Variants in ALMS1 observed in about 807,000 individuals in gnomAD.
ALMS1 encodes ALMS1 centrosome and basal body associated protein.
ALMS1 carries 271 observed loss-of-function variants against 352.2 expected under a neutral mutation model. The observed-to-expected ratio is 0.77, with a 90% CI of 0.70 to 0.85. The LOEUF (loss-of-function observed/expected upper bound fraction) is 0.85, where lower values mean the gene tolerates loss of function less well. ALMS1 is among the 40% of genes least tolerant of loss of function. The pLI is 0.00. For synonymous variants in ALMS1, 1,865 were observed against 1,761.2 expected (o/e 1.06, Z -1.48); for missense variants, 5,445 against 4,870.7 (o/e 1.12, Z -3.51).
chr2:73,586,203 G>A (rs185313833), intron 16 of ALMS1, among the ~76,000 whole-genome samples: 75 of 152,290 alleles, frequency 4.9e-4, no homozygotes, highest in Admixed American at 4.1e-3. Flanking sequence ...TTTGCAAATA[G>A]TTTCTCCCAT....
chr2:73,525,647 AG>A (rs2103973786), intron 11 of ALMS1, among the ~76,000 whole-genome samples: 1 of 151,372 alleles, frequency 6.6e-6, no homozygotes, highest in African/African-American at 2.4e-5. Flanking sequence ...TTTCCTATAG[AG>A]TTGTTTCAGT....
Position 73,490,940 on chromosome 2 carries a change from T to C in ALMS1, c.8981T>C (p.Val2994Ala). 1 of 1,614,148 alleles carries C rather than the reference T, an allele frequency of 6.2e-7. No individual in the cohort carries two copies. Residue 2994 changes from valine (V) to alanine (A), a missense_variant, in exon 10 of 23, where the codon GTA becomes GCA. Physicochemically the swap from Val to Ala is moderately conservative, Grantham distance 64 (BLOSUM62 0). Transcript: ENST00000613296. ...CCCCTTCCTCAAGGTCAGGATTGTG[T>C]AGTGGAAAAGAATAATCAACATAAG... ...HFPLPQGQDC[V>A]VEKNNQHKPK...
At chr2:73,387,027 G>A (rs1235632834) in intron 1 of ALMS1, among the ~76,000 whole-genome samples, 1 of 152,104 alleles carries the variant, frequency 6.6e-6, no homozygotes, top group East Asian at 1.9e-4. Flanking sequence ...AAAATTCCAT[G>A]CGTCTGTTCT....
At chr2:73,553,990 A>T (rs1268279085) in intron 13 of ALMS1, among the ~76,000 whole-genome samples, 1 of 152,222 alleles carries the variant, frequency 6.6e-6, no homozygotes, top group African/African-American at 2.4e-5. Context: ...AAATGGCTAA[A>T]GAAGTTGAAA....
chr2:73,426,575 G>A (rs746662346), intron 6 of ALMS1, 22 bp downstream of exon 6: 1 of 1,609,094 alleles, frequency 6.2e-7, no homozygotes, highest in Non-Finnish European at 8.5e-7. Flanking sequence ...TAAAATGATA[G>A]TTGTAAGAAA....
intron 9 of ALMS1, chr2:73,469,408 T>C (rs999476830): frequency 3.3e-5 from 5 of 151,762 alleles, no homozygotes; most frequent in African/African-American, 1.2e-4. Context: ...AGGAAAAACA[T>C]ACAATGTGGT....
At chr2:73,475,651 C>T (rs1672567038) in intron 9 of ALMS1, among the ~76,000 whole-genome samples, 2 of 151,964 alleles carry the variant, frequency 1.3e-5, no homozygotes, top group Admixed American at 1.3e-4. Context: ...CCAATATTTT[C>T]TCCCATTCTG....
chr2:73,424,924 C>A, intron 5 of ALMS1, 22 bp downstream of exon 5: 1 of 1,556,798 alleles, frequency 6.4e-7, no homozygotes, highest in South Asian at 1.2e-5. Context: ...GATTCTTTTT[C>A]AGATTCATCT....
At chr2:73,484,772 T>A (rs1672789579) in intron 9 of ALMS1, among the ~76,000 whole-genome samples, 1 of 152,146 alleles carries the variant, frequency 6.6e-6, no homozygotes, top group Non-Finnish European at 1.5e-5. Context: ...CTTTGCTCAT[T>A]TCTTTTTATT....
At position 73,448,921 on chromosome 2, in the gene ALMS1, C is replaced by G. The variant is rs749555689; in HGVS notation, c.2394C>G (p.Asp798Glu). The G allele has an allele frequency of 6.8e-6, 11 of 1,614,102 alleles. No individual in the cohort carries two copies. The highest frequency in any genetic ancestry group is 9.3e-6 in the Non-Finnish European group (11 of 1,179,962). ...LKVSAVAGPADQKTGLPTVPS... is the reference protein window; with the variant it reads ...LKVSAVAGPAEQKTGLPTVPS... The stretch of plus-strand genomic sequence containing the variant: ...TTTCAGCTGTTGCTGGACCAGCTGA[C>G]CAGAAGACTGGCCTACCAACAGTAC... Residue 798 changes from aspartate (D) to glutamate (E), a missense_variant, in exon 8 of 23, where the codon GAC becomes GAG. Asp to Glu is a conservative substitution (Grantham distance 45, BLOSUM62 2). Transcript: ENST00000613296.
chr2:73,542,164 C>T (rs572316576), intron 12 of ALMS1, among the ~76,000 whole-genome samples: 6 of 152,276 alleles, frequency 3.9e-5, no homozygotes, highest in East Asian at 1.9e-4. Context: ...AAAAAGCTTA[C>T]TCACCATGAT....
intron 15 of ALMS1, 43 bp from the exon 16 acceptor site, chr2:73,572,219 T>C (rs1674943544): frequency 6.6e-7 from 1 of 1,516,048 alleles, no homozygotes; most frequent in Non-Finnish European, 9.0e-7. Flanking sequence ...AACAGAATGC[T>C]AATTTTTTAA....
chr2:73,418,898 A>T (rs1671231000), intron 2 of ALMS1, among the ~76,000 whole-genome samples: 1 of 152,184 alleles, frequency 6.6e-6, no homozygotes, highest in Admixed American at 6.5e-5. Context: ...AATACAACTT[A>T]GTATAAAAGG....
chr2:73,424,560 C>T lies in ALMS1; in HGVS notation c.895C>T (p.Pro299Ser), dbSNP rs1349884233. Residue 299 changes from proline (P) to serine (S), a missense_variant, in exon 5 of 23, where the codon CCG (proline) becomes TCG (serine). By Grantham distance (74) the Pro-to-Ser change is moderately conservative. Coordinates refer to ENST00000613296, the MANE Select transcript of ALMS1 (RefSeq NM_001378454.1). ...ASSRFSVSQH[P>S]LIGSTAVGSQ... Reference sequence around the variant, plus strand: ...CAGTCGCTTTAGTGTATCTCAGCACCCGCTTATAGGCAGCACAGCTGTTGG... The same window carrying T: ...CAGTCGCTTTAGTGTATCTCAGCACTCGCTTATAGGCAGCACAGCTGTTGG... 1 of 1,613,858 alleles carries T rather than the reference C, an allele frequency of 6.2e-7. No homozygotes were observed. Among genetic ancestry groups the T allele is most frequent in the South Asian group, 1.1e-5 (1 of 91,058 alleles).
Position 73,601,462 on chromosome 2 carries a change from A to C in ALMS1, c.12114+26A>C. The C allele has an allele frequency of 1.9e-6, 3 of 1,611,986 alleles. No individual in the cohort carries two copies. In the Admixed American group the frequency reaches 5.0e-5, roughly 27 times the overall value. On this transcript the variant is annotated intron_variant, in intron 19 of 22. Transcript: ENST00000613296. ...GTGCAGTGACGTTGACTTAACTTTA[A>C]TGCTACGTGTAGGGAGAAGAAGGGC...
intron 10 of ALMS1, among the ~76,000 whole-genome samples, chr2:73,519,219 T>C (rs1382925431): frequency 6.6e-6 from 1 of 152,194 alleles, no homozygotes; most frequent in Non-Finnish European, 1.5e-5. Context: ...CCTTCTTTGG[T>C]GGGAGGTATT....
chr2:73,557,074 T>C, intron 13 of ALMS1, 146 bp from the exon 14 acceptor site: 2 of 1,077,608 alleles, frequency 1.9e-6, no homozygotes, highest in Non-Finnish European at 2.8e-6. Context: ...CATGTCACAG[T>C]TTTTACACAG....
intron 11 of ALMS1, among the ~76,000 whole-genome samples, chr2:73,527,068 C>G (rs138590330): frequency 4.6e-5 from 7 of 152,046 alleles, no homozygotes; most frequent in African/African-American, 1.7e-4. Flanking sequence ...TGAGGCATCA[C>G]ATTGATTGAT....
chr2:73,600,908 G>C, intron 18 of ALMS1, 27 bp downstream of exon 18: 1 of 1,604,036 alleles, frequency 6.2e-7, no homozygotes, highest in Non-Finnish European at 8.5e-7. Context: ...AGATCTTGTA[G>C]TAGAGAAACT....
Sources: gnomAD v4.1 joint callset for allele counts (sites outside exome capture counted in the v4.1 genomes callset) on GRCh38, gnomAD v4.1.1 for gene constraint, MANE v1.5 for transcripts, NCBI Gene and HGNC (gene_info 2026-07-23, HGNC 2026-07-21) for gene names.